The following TNFRSF10D variants were observed in gnomAD, a reference collection of about 807,000 sequenced individuals.
The protein encoded by TNFRSF10D is TNF receptor superfamily member 10d.
TNFRSF10D carries 28 observed loss-of-function variants against 42.1 expected under a neutral mutation model. That is an observed-to-expected ratio of 0.66 (90% CI 0.49 to 0.91). TNFRSF10D has a LOEUF of 0.91. Among genes scored for constraint, TNFRSF10D ranks in the 40% least tolerant of loss-of-function variants. The pLI, the probability that TNFRSF10D is intolerant of heterozygous loss-of-function variation, is 0.00. For synonymous variants in TNFRSF10D, 186 were observed against 189.4 expected (o/e 0.98, Z 0.15); for missense variants, 503 against 486.1 (o/e 1.03, Z -0.33).
Position 23,135,843 on chromosome 8 carries a change from C to A in TNFRSF10D, c.*2027G>T. 2.2e-6 allele frequency: 1 copy of A among 448,606 alleles called. No homozygotes were observed. 27.8% of individuals were successfully genotyped at this position (448,606 alleles called of 1,614,324 possible). On this transcript the variant is annotated 3_prime_UTR_variant, in exon 9 of 9. Transcript: ENST00000312584. ...AAGGGACAAAGGAGCTGGGACCGGA[C>A]TGGCTCTCTCTGAGCTTTGAGACCA...
intron 3 of TNFRSF10D, among the ~76,000 whole-genome samples, chr8:23,147,317 A>T (rs1800134224): frequency 6.6e-6 from 1 of 152,230 alleles, no homozygotes; most frequent in African/African-American, 2.4e-5. Flanking sequence ...TTTAGATGGC[A>T]TGGTCAGTAG....
chr8:23,147,174 C>G lies in TNFRSF10D; in HGVS notation c.371-102G>C, dbSNP rs1023594859. ...TCCCACTCAGCTCAACTCAGTTCACCAAGGAGTTCTGAGGGCTGGTTTCTG... is the reference window on the plus strand; with the variant it reads ...TCCCACTCAGCTCAACTCAGTTCACGAAGGAGTTCTGAGGGCTGGTTTCTG... On this transcript the variant is annotated intron_variant, in intron 3 of 8. Coordinates refer to ENST00000312584, the MANE Select transcript of TNFRSF10D (RefSeq NM_003840.5). 3 of 984,656 alleles carry G rather than the reference C, an allele frequency of 3.0e-6. No homozygotes were observed. In the Admixed American group the frequency reaches 5.7e-5, roughly 19 times the overall value. The allele number at this position is 984,656 out of a possible 1,614,324, so 61.0% of individuals were successfully genotyped here.
rs111863128 is a variant in TNFRSF10D, at chr8:23,158,591, C to T, written c.151-3612G>A. ...AATTGTTAGTCAAAATAGACCTATA[C>T]GTTTACCATTTAAACTACGGTTGTC... On this transcript the variant is annotated intron_variant, in intron 1 of 8. Transcript: ENST00000312584. Among the ~76,000 whole-genome samples the T allele has an allele frequency of 5.8e-3, 878 of 152,282 alleles. 6 individuals are homozygous for T. Among genetic ancestry groups the T allele is most frequent in the South Asian group, 0.015 (74 of 4,824 alleles).
intron 5 of TNFRSF10D, 31 bp downstream of exon 5, chr8:23,145,636 GC>G: frequency 6.2e-7 from 1 of 1,612,598 alleles, no homozygotes; most frequent in African/African-American, 1.3e-5. Context: ...GGCAGACAGT[GC>G]CCAGCGCTCC....
intron 1 of TNFRSF10D, among the ~76,000 whole-genome samples, chr8:23,157,613 C>T (rs1800299641): frequency 6.6e-6 from 1 of 152,154 alleles, no homozygotes; most frequent in African/African-American, 2.4e-5. Context: ...TTTCATCTGA[C>T]CGTTCTGTCA....
intron 1 of TNFRSF10D, 68 bp downstream of exon 1, chr8:23,163,718 C>A (rs1380318951): frequency 1.9e-6 from 3 of 1,565,646 alleles, no homozygotes; most frequent in Non-Finnish European, 2.6e-6. Flanking sequence ...CCGTGTCCCC[C>A]TCTCTCCCTG....
chr8:23,139,531 C>T (rs917868181), intron 7 of TNFRSF10D, among the ~76,000 whole-genome samples: 12 of 152,060 alleles, frequency 7.9e-5, no homozygotes, highest in Admixed American at 5.9e-4. Flanking sequence ...GAACATGCCT[C>T]AAAATGGTAA....
At chr8:23,151,348 GA>G (rs934656835) in intron 2 of TNFRSF10D, among the ~76,000 whole-genome samples, 222 of 137,868 alleles carry the variant, frequency 1.6e-3, no homozygotes, top group African/African-American at 1.8e-3. Flanking sequence ...ATCAGACAAA[GA>G]AAAAAAAAAA....
In TNFRSF10D at chr8:23,141,430, G is replaced by A. The variant is rs201608836; in HGVS notation, c.954+3020C>T. Among the ~76,000 whole-genome samples, 14 of 152,060 alleles carry A rather than the reference G, an allele frequency of 9.2e-5. No individual in the cohort carries two copies. In the East Asian group the frequency reaches 2.1e-3, roughly 23 times the overall value. On this transcript the variant is annotated intron_variant, in intron 7 of 8. Transcript: ENST00000312584. ...TGAGGAGGGAGAATCACTTGAACCC[G>A]GGAGGCGGAGGTTGCAGTGAGCTGA...
At chr8:23,160,127 T>A (rs1266143327) in intron 1 of TNFRSF10D, among the ~76,000 whole-genome samples, 2 of 152,200 alleles carry the variant, frequency 1.3e-5, no homozygotes, top group African/African-American at 2.4e-5. Context: ...ATTAGTTATA[T>A]GATTCCTGGT....
intron 7 of TNFRSF10D, among the ~76,000 whole-genome samples, chr8:23,141,147 G>C (rs114369509): frequency 6.0e-3 from 913 of 152,132 alleles, no homozygotes; most frequent in African/African-American, 0.019. Flanking sequence ...CAAAAGCAAT[G>C]CAATAAAAAC....
Position 23,136,468 on chromosome 8 carries a change from C to T in TNFRSF10D, c.*1402G>A, listed in dbSNP as rs564151873. On this transcript the variant is annotated 3_prime_UTR_variant, in exon 9 of 9. Coordinates refer to ENST00000312584, the MANE Select transcript of TNFRSF10D (RefSeq NM_003840.5). ...GAGAGGGGCCCATCCATGCCTGAGT[C>T]GGCAACCATTTCACACCATTCCCAA... is the stretch of plus-strand genomic sequence containing the variant. 16 of 170,846 alleles carry T rather than the reference C, an allele frequency of 9.4e-5. No homozygotes were observed. The highest frequency in any genetic ancestry group is 1.9e-4 in the Non-Finnish European group (15 of 80,586). 10.6% of individuals were successfully genotyped at this position (170,846 alleles called of 1,614,324 possible).
chr8:23,137,721 A>AAGT lies in TNFRSF10D; in HGVS notation c.*146_*148dup, dbSNP rs1215397750. 1 of 1,033,744 alleles carries AAGT rather than the reference A, an allele frequency of 9.7e-7. No individual in the cohort carries two copies. The highest frequency in any genetic ancestry group is 1.4e-6 in the Non-Finnish European group (1 of 731,790). The allele number at this position is 1,033,744 out of a possible 1,614,324, so 64.0% of individuals were successfully genotyped here. ...AAAAATTACTCCAAGTGCGTTAACA[A>AAGT]AGTTCTAGGACCATTGGTAAGCTGC... On this transcript the variant is annotated 3_prime_UTR_variant, in exon 9 of 9. Coordinates refer to ENST00000312584, the MANE Select transcript of TNFRSF10D (RefSeq NM_003840.5).
Position 23,148,498 on chromosome 8 carries a change from C to T in TNFRSF10D, c.310G>A (p.Asp104Asn). The T allele has an allele frequency of 1.2e-6, 2 of 1,611,236 alleles. No individual in the cohort carries two copies. The highest frequency in any genetic ancestry group is 1.7e-6 in the Non-Finnish European group (2 of 1,178,146). ...GACNPCTEGV[D>N]YTIASNNLPS... ...AAATTGTTGGAAGCAATGGTGTAAT[C>T]CACACCCTCTGTGCACGGGTTACAG... Residue 104 changes from aspartate to asparagine, a missense_variant, in exon 3 of 9, where the codon GAT (aspartate) becomes AAT (asparagine). Physicochemically the swap from Asp to Asn is conservative, Grantham distance 23 (BLOSUM62 1). Coordinates refer to ENST00000312584, the MANE Select transcript of TNFRSF10D (RefSeq NM_003840.5).
chr8:23,158,138 C>T (rs370880337), intron 1 of TNFRSF10D, among the ~76,000 whole-genome samples: 7 of 151,048 alleles, frequency 4.6e-5, no homozygotes, highest in African/African-American at 1.2e-4. Flanking sequence ...CTTTTCTTTC[C>T]GTTCCTTCCT....
chr8:23,148,456 A>C lies in TNFRSF10D; in HGVS notation c.352T>G (p.Cys118Gly). 1 of 1,609,528 alleles carries C rather than the reference A, an allele frequency of 6.2e-7. No homozygotes were observed. Among genetic ancestry groups the C allele is most frequent in the Non-Finnish European group, 8.5e-7 (1 of 1,176,946 alleles). Residue 118 changes from cysteine (C) to glycine (G), a missense_variant, in exon 3 of 9, where the codon TGT becomes GGT. By Grantham distance (159) the Cys-to-Gly change is radical. Coordinates refer to ENST00000312584, the MANE Select transcript of TNFRSF10D (RefSeq NM_003840.5). ...TCTGTACCTGATTTACAAACTGTACATAGCAGGCAAGAAGGCAAATTGTTG... is the reference window on the plus strand; with the variant it reads ...TCTGTACCTGATTTACAAACTGTACCTAGCAGGCAAGAAGGCAAATTGTTG... ...ASNNLPSCLL[C>G]TVCKSGQTNK...
chr8:23,142,862 T>A (rs1800051991), intron 7 of TNFRSF10D, among the ~76,000 whole-genome samples: 1 of 152,236 alleles, frequency 6.6e-6, no homozygotes, highest in African/African-American at 2.4e-5. Context: ...GCATAAAGAT[T>A]TCTACAAAGA....
Position 23,143,161 on chromosome 8 carries a change from A to G in TNFRSF10D, c.954+1289T>C, listed in dbSNP as rs970149138. Among the ~76,000 whole-genome samples, 13 of 152,192 alleles carry G rather than the reference A, an allele frequency of 8.5e-5. 1 individual carries two copies. The highest frequency in any genetic ancestry group is 2.6e-4 in the African/African-American group (11 of 41,540). On this transcript the variant is annotated intron_variant, in intron 7 of 8. Coordinates refer to ENST00000312584, the MANE Select transcript of TNFRSF10D (RefSeq NM_003840.5). ...CCGGCTAATTTTTTGTATTTTTAGT[A>G]GAGGTGGGGTTTCACCATGTTGGCC... is the stretch of plus-strand genomic sequence containing the variant.
At chr8:23,141,410 A>C (rs1184008134) in intron 7 of TNFRSF10D, among the ~76,000 whole-genome samples, 657 of 151,248 alleles carry the variant, frequency 4.3e-3, no homozygotes, top group African/African-American at 0.014. Context: ...GGGGCTGAGG[A>C]GGGAGAATCA....
Sources: gnomAD v4.1 joint callset for allele counts (sites outside exome capture counted in the v4.1 genomes callset) on GRCh38, gnomAD v4.1.1 for gene constraint, MANE v1.5 for transcripts, NCBI Gene and HGNC (gene_info 2026-07-23, HGNC 2026-07-21) for gene names.